Variants in OSBPL6 observed in about 807,000 individuals in gnomAD.
OSBPL6 encodes oxysterol-binding protein-related protein 6.
Under a neutral mutation model 125.8 loss-of-function variants are expected in OSBPL6, and 49 were observed. The observed-to-expected ratio is 0.39, with a 90% CI of 0.31 to 0.49. OSBPL6 has a LOEUF of 0.49. Among genes scored for constraint, OSBPL6 ranks in the 20% least tolerant of loss-of-function variants. The pLI is 0.88. For missense variants in OSBPL6, 986 were observed against 1,135.4 expected, an observed-to-expected ratio of 0.87 and a Z score of 1.89; for synonymous variants, 394 against 391.8, an observed-to-expected ratio of 1.01 and a Z score of -0.07.
At position 178,328,383 on chromosome 2, in the gene OSBPL6, C is replaced by T. The variant is rs913878602; in HGVS notation, c.318+5C>T. 6.2e-7 allele frequency: 1 copy of T among 1,611,428 alleles called. No homozygotes were observed. The highest frequency in any genetic ancestry group is 8.5e-7 in the Non-Finnish European group (1 of 1,179,248). ...CCTTTAAAAGGCTGGCACAAGGTAA[C>T]ATTTTTATCATATTCAGGTTCAGAC... On this transcript the variant is annotated splice_donor_5th_base_variant and intron_variant, in intron 5 of 24. Transcript: ENST00000190611.
chr2:178,401,464 A>G lies in OSBPL6; in HGVS notation c.*5905A>G, dbSNP rs1207673256. 1.3e-5 allele frequency: 2 copies of G among 152,230 alleles called. No individual in the cohort carries two copies. Among genetic ancestry groups the G allele is most frequent in the African/African-American group, 4.8e-5 (2 of 41,462 alleles). The allele number at this position is 152,230 out of a possible 1,614,324, so 9.4% of individuals were successfully genotyped here. The stretch of plus-strand genomic sequence containing the variant: ...TGTGCAAGTTGAAAGCTTATTCCTT[A>G]CATCCTGAGCCTAAAAGCCTTATTC... On this transcript the variant is annotated 3_prime_UTR_variant, in exon 25 of 25. Transcript: ENST00000190611.
intron 2 of OSBPL6, among the ~76,000 whole-genome samples, chr2:178,290,717 T>C (rs1467757109): frequency 6.6e-6 from 1 of 152,280 alleles, no homozygotes; most frequent in Middle Eastern, 3.4e-3. Flanking sequence ...TCAGCCATTC[T>C]AAGCAGCCTG....
chr2:178,349,162 A>G (rs1574937773), intron 11 of OSBPL6, 62 bp from the exon 12 acceptor site: 2 of 1,520,240 alleles, frequency 1.3e-6, no homozygotes, highest in East Asian at 4.5e-5. Flanking sequence ...GGTCTTTTCT[A>G]TGTAGGAGAA....
intron 1 of OSBPL6, among the ~76,000 whole-genome samples, chr2:178,209,618 G>A (rs2089741823): frequency 6.6e-6 from 1 of 151,756 alleles, no homozygotes; most frequent in African/African-American, 2.4e-5. Flanking sequence ...TTTTTCCTCA[G>A]ATATCTGGTG....
chr2:178,194,115 C>G (rs561394726), upstream of OSBPL6, among the ~76,000 whole-genome samples: 1 of 152,328 alleles, frequency 6.6e-6, no homozygotes, highest in Admixed American at 6.5e-5. Context: ...CCGAGCGCGG[C>G]CGGCTCACCT....
At chr2:178,320,165 A>G (rs775132350) in intron 3 of OSBPL6, 49 of 1,258,042 alleles carry the variant, frequency 3.9e-5, no homozygotes, top group Admixed American at 5.7e-5. Context: ...CCATTCAGCT[A>G]TTATTAAGTG....
At chr2:178,357,076 C>A (rs547672029) in intron 12 of OSBPL6, among the ~76,000 whole-genome samples, 1 of 152,276 alleles carries the variant, frequency 6.6e-6, no homozygotes, top group Non-Finnish European at 1.5e-5. Context: ...ACACCTTATA[C>A]AAAAATTAAT....
At chr2:178,253,807 CTCATGT>C (rs1344671562) in intron 1 of OSBPL6, among the ~76,000 whole-genome samples, 2 of 152,186 alleles carry the variant, frequency 1.3e-5, no homozygotes, top group African/African-American at 4.8e-5. Context: ...CCCTCTAAAA[CTCATGT>C]TGAAATTTAA....
intron 1 of OSBPL6, among the ~76,000 whole-genome samples, chr2:178,257,689 G>A (rs1378790539): frequency 6.6e-6 from 1 of 152,140 alleles, no homozygotes; most frequent in Non-Finnish European, 1.5e-5. Flanking sequence ...TCTCTAGTTT[G>A]TAGAAGAATA....
intron 1 of OSBPL6, among the ~76,000 whole-genome samples, chr2:178,221,859 G>T (rs1444510436): frequency 6.6e-6 from 1 of 152,188 alleles, no homozygotes; most frequent in East Asian, 1.9e-4. Context: ...ACTTTCCTGA[G>T]TTCAGATCTG....
At chr2:178,383,352 A>T in intron 17 of OSBPL6, 75 bp downstream of exon 17, 1 of 1,518,512 alleles carries the variant, frequency 6.6e-7, no homozygotes. Flanking sequence ...AGAATTCATT[A>T]TGATATATTT....
chr2:178,339,330 A>G (rs1019179615), intron 10 of OSBPL6, among the ~76,000 whole-genome samples: 1 of 152,220 alleles, frequency 6.6e-6, no homozygotes, highest in Non-Finnish European at 1.5e-5. Context: ...TACATTCAGT[A>G]TCTGAATTAT....
chr2:178,385,596 G>C, intron 19 of OSBPL6, 75 bp downstream of exon 19: 1 of 1,130,378 alleles, frequency 8.8e-7, no homozygotes, highest in Non-Finnish European at 1.3e-6. Flanking sequence ...AAGGGACACT[G>C]TATTCAGTTT....
intron 3 of OSBPL6, among the ~76,000 whole-genome samples, chr2:178,322,863 A>G (rs1408149948): frequency 1.3e-5 from 2 of 151,462 alleles, no homozygotes; most frequent in Non-Finnish European, 2.9e-5. Context: ...TGACACTCGT[A>G]TCTTTGATCT....
intron 1 of OSBPL6, among the ~76,000 whole-genome samples, chr2:178,264,585 A>G (rs78710072): frequency 0.016 from 2,383 of 152,306 alleles, 65 homozygotes; most frequent in African/African-American, 0.055. Flanking sequence ...CTGGTCTTCA[A>G]CGTGATAATT....
At chr2:178,326,279 T>G (rs1243416307) in intron 4 of OSBPL6, among the ~76,000 whole-genome samples, 1 of 152,118 alleles carries the variant, frequency 6.6e-6, no homozygotes, top group Non-Finnish European at 1.5e-5. Context: ...AAAGGAAATG[T>G]CTCTGTTTTT....
chr2:178,321,399 T>C (rs1688236755), intron 3 of OSBPL6, among the ~76,000 whole-genome samples: 1 of 152,158 alleles, frequency 6.6e-6, no homozygotes, highest in Admixed American at 6.5e-5. Context: ...GTTTAAACTG[T>C]CTTCTTTATA....
chr2:178,350,159 G>A (rs572478119), intron 12 of OSBPL6, among the ~76,000 whole-genome samples: 1 of 152,260 alleles, frequency 6.6e-6, no homozygotes, highest in Admixed American at 6.5e-5. Context: ...TTTCAGTGAG[G>A]CTTGTTGTAT....
At chr2:178,379,359 A>AAG (rs1694240005) in intron 15 of OSBPL6, among the ~76,000 whole-genome samples, 1 of 136,526 alleles carries the variant, frequency 7.3e-6, no homozygotes, top group Non-Finnish European at 1.6e-5. Context: ...AGGGAGGGGA[A>AAG]GGAAGGAAAG....
Sources: gnomAD v4.1 joint callset for allele counts (sites outside exome capture counted in the v4.1 genomes callset) on GRCh38, gnomAD v4.1.1 for gene constraint, MANE v1.5 for transcripts, NCBI Gene and HGNC (gene_info 2026-07-23, HGNC 2026-07-21) for gene names.